The following CKS1B variants were observed in gnomAD, a reference collection of about 807,000 sequenced individuals.
CKS1B encodes the protein cyclin-dependent kinases regulatory subunit 1.
In CKS1B, 5 loss-of-function variants were observed where a neutral mutation model predicts 12.2. The observed-to-expected ratio is 0.41, with a 90% confidence interval of 0.21 to 0.86. The LOEUF is 0.86. CKS1B is among the 40% of genes least tolerant of loss of function. The pLI is 0.32. For synonymous variants in CKS1B, 24 were observed against 34.4 expected, an observed-to-expected ratio of 0.70 and a Z score of 1.06; for missense variants, 53 against 99.9, an observed-to-expected ratio of 0.53 and a Z score of 2.00.
In CKS1B at chr1:154,978,069, G is replaced by A. The variant is rs746555598; in HGVS notation, c.142G>A (p.Val48Ile). ...MSESEWRNLG[V>I]QQSQGWVHYM... ...TGAATCTGAATGGAGGAATCTTGGC[G>A]TTCAGCAGAGTCAGGGATGGGTCCA... Residue 48 changes from valine (V) to isoleucine (I), a missense_variant, in exon 2 of 3, where the codon GTT becomes ATT. By Grantham distance (29) the Val-to-Ile change is conservative (BLOSUM62 3). Transcript: ENST00000308987. 5 of 1,613,994 alleles carry A rather than the reference G, an allele frequency of 3.1e-6. No individual in the cohort carries two copies. The highest frequency in any genetic ancestry group is 2.7e-5 in the African/African-American group (2 of 74,890).
chr1:154,975,011 CCT>C (rs917361372), intron 1 of CKS1B: 56 of 1,423,900 alleles, frequency 3.9e-5, no homozygotes, highest in African/African-American at 2.2e-4. Flanking sequence ...TTTGGAGTCG[CCT>C]CTCAGTAGAG....
At chr1:154,978,306 A>T (rs1196363732) in intron 2 of CKS1B, 192 bp downstream of exon 2, 2 of 604,060 alleles carry the variant, frequency 3.3e-6, no homozygotes, top group African/African-American at 1.9e-5. Flanking sequence ...TTCAGAGACA[A>T]CCTGTCACTG....
chr1:154,978,436 G>A (rs1163469039), intron 2 of CKS1B: 2 of 549,224 alleles, frequency 3.6e-6, no homozygotes, highest in Non-Finnish European at 6.4e-6. Context: ...TTCTAAATAA[G>A]CAAAGGAAAG....
At chr1:154,978,372 A>G (rs747386500) in intron 2 of CKS1B, 6 of 559,560 alleles carry the variant, frequency 1.1e-5, no homozygotes, top group East Asian at 2.9e-5. Context: ...AAGGCCACAT[A>G]TAGCCTGATC....
In CKS1B at chr1:154,975,056, A is replaced by C; in HGVS notation, c.59+252A>C. On this transcript the variant is annotated intron_variant, in intron 1 of 2. Transcript: ENST00000308987. The stretch of plus-strand genomic sequence containing the variant: ...AGGGGTGGGCGTGGTTAGGGTACTG[A>C]CCACCCTCACCCATGAGGCTTTCTG... 4.6e-6 allele frequency: 4 copies of C among 874,178 alleles called. No individual in the cohort carries two copies. The South Asian group carries it at 5.4e-5, about 12-fold the overall frequency. 54.2% of individuals were successfully genotyped at this position (874,178 alleles called of 1,614,324 possible).
chr1:154,976,727 T>G (rs1657196004), intron 1 of CKS1B, among the ~76,000 whole-genome samples: 1 of 152,208 alleles, frequency 6.6e-6, no homozygotes, highest in South Asian at 2.1e-4. Context: ...GGTGTATGTA[T>G]TGAAGCCAAA....
At chr1:154,978,467 C>T in intron 2 of CKS1B, 1 of 555,970 alleles carries the variant, frequency 1.8e-6, no homozygotes, top group African/African-American at 1.9e-5. Flanking sequence ...GATAAGACAC[C>T]AGACACCCAG....
At chr1:154,977,010 A>C (rs961046447) in intron 1 of CKS1B, among the ~76,000 whole-genome samples, 3 of 152,200 alleles carry the variant, frequency 2.0e-5, no homozygotes, top group African/African-American at 7.2e-5. Context: ...TAGGAAAATA[A>C]GATTCAGGAT....
rs1657256612 is a variant in CKS1B, at chr1:154,979,002, G to A, written c.*225G>A. 5.5e-6 allele frequency: 3 copies of A among 545,192 alleles called. No homozygotes were observed. The South Asian group carries it at 6.1e-5, about 11-fold the overall frequency. 33.8% of individuals were successfully genotyped at this position (545,192 alleles called of 1,614,324 possible). ...TCTGTGGACCCACAGCCTAAGCTGAGTGTGACCCCAGAAGCCACGATGTGC... is the reference window on the plus strand; with the variant it reads ...TCTGTGGACCCACAGCCTAAGCTGAATGTGACCCCAGAAGCCACGATGTGC... On this transcript the variant is annotated 3_prime_UTR_variant, in exon 3 of 3. Coordinates refer to ENST00000308987, the MANE Select transcript of CKS1B (RefSeq NM_001826.3).
chr1:154,978,308 C>T, intron 2 of CKS1B, 194 bp downstream of exon 2: 2 of 601,784 alleles, frequency 3.3e-6, no homozygotes, highest in South Asian at 2.4e-5. Flanking sequence ...CAGAGACAAC[C>T]TGTCACTGAA....
intron 1 of CKS1B, among the ~76,000 whole-genome samples, chr1:154,976,818 G>A (rs920153477): frequency 2.0e-5 from 3 of 152,012 alleles, no homozygotes; most frequent in African/African-American, 7.2e-5. Flanking sequence ...AGAATGGTGG[G>A]GAATCACTGT....
chr1:154,976,038 T>C (rs1441913246), intron 1 of CKS1B, among the ~76,000 whole-genome samples: 1 of 151,936 alleles, frequency 6.6e-6, no homozygotes, highest in Non-Finnish European at 1.5e-5. Context: ...AGTCAGGATT[T>C]TACCTATATA....
chr1:154,976,842 G>T (rs1233512465), intron 1 of CKS1B, among the ~76,000 whole-genome samples: 1 of 152,160 alleles, frequency 6.6e-6, no homozygotes, highest in Non-Finnish European at 1.5e-5. Flanking sequence ...TAGCACAGAG[G>T]GAGAACTTAG....
chr1:154,978,225 C>A, intron 2 of CKS1B, 111 bp downstream of exon 2: 1 of 1,115,274 alleles, frequency 9.0e-7, no homozygotes, highest in Non-Finnish European at 1.2e-6. Flanking sequence ...TGGTTCCTTC[C>A]CCCTCCAGTC....
chr1:154,975,019 TAG>T (rs1491104847), intron 1 of CKS1B: 4 of 1,303,860 alleles, frequency 3.1e-6, no homozygotes, highest in Non-Finnish European at 2.2e-6. Flanking sequence ...CGCCTCTCAG[TAG>T]AGAGGAGAGA....
chr1:154,974,829 G>A, intron 1 of CKS1B, 25 bp downstream of exon 1: 6 of 1,614,054 alleles, frequency 3.7e-6, no homozygotes, highest in Non-Finnish European at 4.2e-6. Flanking sequence ...GGGAGCAATA[G>A]CGAGGGTCGT....
intron 1 of CKS1B, chr1:154,975,162 G>A (rs1327221662): frequency 1.0e-5 from 6 of 592,662 alleles, no homozygotes; most frequent in East Asian, 8.4e-5. Flanking sequence ...AATCCAGTGG[G>A]AGAACGTAGC....
At chr1:154,978,198 G>A (rs1657236814) in intron 2 of CKS1B, 84 bp downstream of exon 2, 1 of 1,357,022 alleles carries the variant, frequency 7.4e-7, no homozygotes, top group Non-Finnish European at 9.9e-7. Flanking sequence ...CAAATAGGGA[G>A]ATAGGAAATG....
chr1:154,975,187 A>T (rs1657127783), intron 1 of CKS1B: 1 of 585,574 alleles, frequency 1.7e-6, no homozygotes, highest in East Asian at 2.8e-5. Flanking sequence ...GCGGAGCTGG[A>T]AGTTTCCTGG....
Sources: gnomAD v4.1 joint callset for allele counts (sites outside exome capture counted in the v4.1 genomes callset) on GRCh38, gnomAD v4.1.1 for gene constraint, MANE v1.5 for transcripts, NCBI Gene and HGNC (gene_info 2026-07-23, HGNC 2026-07-21) for gene names.